The following GPD1L variants were observed in gnomAD, a reference collection of about 807,000 sequenced individuals.
GPD1L encodes glycerol-3-phosphate dehydrogenase 1 like, also known as glycerol-3-phosphate dehydrogenase 1-like protein.
GPD1L carries 17 observed loss-of-function variants against 32.9 expected under a neutral mutation model. The ratio of observed to expected loss-of-function variants is 0.52; its 90% CI spans 0.35 to 0.78. GPD1L has a LOEUF of 0.78. Among genes scored for constraint, GPD1L ranks in the 30% least tolerant of loss-of-function variants. The pLI is 0.01. For synonymous variants in GPD1L, 187 were observed against 165.9 expected (o/e 1.13, Z -0.98); for missense variants, 361 against 447.8 (o/e 0.81, Z 1.75).
At chr3:32,116,104 G>A (rs907486614) in intron 1 of GPD1L, among the ~76,000 whole-genome samples, 4 of 152,010 alleles carry the variant, frequency 2.6e-5, no homozygotes, top group African/African-American at 9.7e-5. Flanking sequence ...AACTTTTTAA[G>A]TTGGGTTTCT....
chr3:32,154,725 T>C lies in GPD1L; in HGVS notation c.619-4151T>C, dbSNP rs112591977. 1.7e-3 allele frequency among the ~76,000 whole-genome samples: 252 copies of C among 149,826 alleles called. 1 individual carries two copies. The Middle Eastern group carries it at 0.027, about 16-fold the overall frequency. On this transcript the variant is annotated intron_variant, in intron 5 of 7. Coordinates refer to ENST00000282541, the MANE Select transcript of GPD1L (RefSeq NM_015141.4). ...AGTTCAGTAAGGTTTGCTGTTGCTA[T>C]TTTTTATTACCTTTTCTTCTCCTAA...
intron 2 of GPD1L, 25 bp from the exon 3 acceptor site, chr3:32,138,562 G>A (rs771522425): frequency 2.4e-5 from 38 of 1,612,528 alleles, no homozygotes; most frequent in Middle Eastern, 3.3e-4. Flanking sequence ...GAGGAGAAAC[G>A]GTCTTCTCTG....
intron 7 of GPD1L, among the ~76,000 whole-genome samples, chr3:32,165,365 G>A (rs1034295782): frequency 3.9e-5 from 6 of 152,222 alleles, no homozygotes; most frequent in African/African-American, 1.2e-4. Flanking sequence ...GGATTCTTGC[G>A]GGAGCATTCC....
chr3:32,145,587 G>A (rs554572338), intron 4 of GPD1L, among the ~76,000 whole-genome samples: 1 of 152,052 alleles, frequency 6.6e-6, no homozygotes, highest in Non-Finnish European at 1.5e-5. Flanking sequence ...TTGAGGGAGG[G>A]GCTGGTCTGC....
Position 32,158,909 on chromosome 3 carries a change from G to A in GPD1L, c.652G>A (p.Gly218Ser), listed in dbSNP as rs559530222. 20 of 1,614,076 alleles carry A rather than the reference G, an allele frequency of 1.2e-5. 1 individual carries two copies. Among genetic ancestry groups the A allele is most frequent in the East Asian group, 4.5e-5 (2 of 44,876 alleles). ...IVAVGAGFCD[G>S]LRCGDNTKAA... ...AGCTGTGGGAGCTGGGTTCTGCGAC[G>A]GCCTCCGCTGTGGAGACAACACCAA... is the stretch of plus-strand genomic sequence containing the variant. Residue 218 changes from glycine (G) to serine (S), a missense_variant, in exon 6 of 8, where the codon GGC becomes AGC. Transcript: ENST00000282541.
chr3:32,121,571 A>T (rs1700414949), intron 1 of GPD1L, among the ~76,000 whole-genome samples: 1 of 131,244 alleles, frequency 7.6e-6, no homozygotes, highest in Admixed American at 8.0e-5. Context: ...CTATGTATAT[A>T]TTTCTATATA....
At chr3:32,122,206 T>C (rs1469683719) in intron 1 of GPD1L, among the ~76,000 whole-genome samples, 1 of 152,038 alleles carries the variant, frequency 6.6e-6, no homozygotes, top group Non-Finnish European at 1.5e-5. Context: ...CTGAAATTAA[T>C]GGGTGCTCAA....
At chr3:32,158,835 G>A (rs748260612) in intron 5 of GPD1L, 41 bp from the exon 6 acceptor site, 1 of 1,602,610 alleles carries the variant, frequency 6.2e-7, no homozygotes, top group Non-Finnish European at 8.5e-7. Flanking sequence ...ACCCGTGGTG[G>A]GTGCTGTAAC....
Position 32,140,250 on chromosome 3 carries a change from G to A in GPD1L, c.389G>A (p.Gly130Glu), listed in dbSNP as rs1265348611. 5 of 1,614,006 alleles carry A rather than the reference G, an allele frequency of 3.1e-6. No homozygotes were observed. The highest frequency in any genetic ancestry group is 1.7e-6 in the Non-Finnish European group (2 of 1,179,984). The change falls in exon 4 of 8, where the codon GGG (glycine) becomes GAG (glutamate). Residue 130 changes from glycine (G) to glutamate (E), a missense_variant. Gly to Glu is a moderately conservative substitution (Grantham distance 98). Transcript: ENST00000282541. Reference protein sequence around the residue: ...LIKGIDEGPEGLKLISDIIRE... With the variant: ...LIKGIDEGPEELKLISDIIRE... ...TAGGGCATAGACGAGGGCCCCGAGG[G>A]GCTGAAGCTCATTTCTGACATCATC...
At chr3:32,137,310 C>T (rs900480861) in intron 2 of GPD1L, among the ~76,000 whole-genome samples, 3 of 152,202 alleles carry the variant, frequency 2.0e-5, no homozygotes, top group Non-Finnish European at 2.9e-5. Flanking sequence ...GCATTTTTCT[C>T]TAATGTAAAG....
At chr3:32,162,486 A>C (rs1701086611) in intron 7 of GPD1L, among the ~76,000 whole-genome samples, 1 of 78,858 alleles carries the variant, frequency 1.3e-5, no homozygotes, top group Non-Finnish European at 2.3e-5. Context: ...CCCGGGTTCA[A>C]GCCATTCTCC....
At chr3:32,141,464 A>G (rs1316623912) in intron 4 of GPD1L, among the ~76,000 whole-genome samples, 1 of 152,206 alleles carries the variant, frequency 6.6e-6, no homozygotes, top group Non-Finnish European at 1.5e-5. Context: ...CTGAATATGT[A>G]ACAAAAACCT....
chr3:32,140,420 T>C, intron 4 of GPD1L, 54 bp downstream of exon 4: 1 of 1,575,392 alleles, frequency 6.3e-7, no homozygotes, highest in Non-Finnish European at 8.7e-7. Flanking sequence ...TGTTTGAACA[T>C]GTACATATTC....
chr3:32,138,780 A>C, intron 3 of GPD1L, 53 bp downstream of exon 3: 1 of 1,564,386 alleles, frequency 6.4e-7, no homozygotes, highest in Non-Finnish European at 8.8e-7. Context: ...AGGAAATTTC[A>C]TTTCCTCACA....
intron 5 of GPD1L, among the ~76,000 whole-genome samples, chr3:32,147,070 C>G (rs1380194483): frequency 6.6e-6 from 1 of 152,152 alleles, no homozygotes; most frequent in Non-Finnish European, 1.5e-5. Context: ...TGTTTTTCTC[C>G]CACACTTCAT....
chr3:32,155,700 C>T (rs1700978964), intron 5 of GPD1L, among the ~76,000 whole-genome samples: 1 of 152,198 alleles, frequency 6.6e-6, no homozygotes, highest in Non-Finnish European at 1.5e-5. Flanking sequence ...CCCCAGGTGT[C>T]AATCTGTTGC....
chr3:32,125,588 C>T (rs186814510), intron 1 of GPD1L, among the ~76,000 whole-genome samples: 111 of 152,338 alleles, frequency 7.3e-4, no homozygotes, highest in South Asian at 6.2e-4. Flanking sequence ...CATGGATCAA[C>T]ATGTATTGCA....
At chr3:32,163,086 T>C (rs533355436) in intron 7 of GPD1L, among the ~76,000 whole-genome samples, 102 of 151,612 alleles carry the variant, frequency 6.7e-4, no homozygotes, top group African/African-American at 2.3e-3. Flanking sequence ...TGCACATCCC[T>C]GCACTTAGTC....
At chr3:32,107,725 C>G (rs918668168) in intron 1 of GPD1L, among the ~76,000 whole-genome samples, 2 of 152,314 alleles carry the variant, frequency 1.3e-5, no homozygotes, top group Middle Eastern at 6.8e-3. Context: ...TTTACTCTTT[C>G]AAGACTTGGC....
Sources: allele counts gnomAD v4.1 joint callset (sites outside exome capture counted in the v4.1 genomes callset), GRCh38; gene constraint gnomAD v4.1.1; transcripts MANE v1.5; gene names NCBI Gene and HGNC (gene_info 2026-07-23, HGNC 2026-07-21).